Variants in HERC4 observed in about 807,000 individuals in gnomAD.
HERC4 encodes the protein HECT and RLD domain containing E3 ubiquitin protein ligase 4.
A neutral mutation model predicts 124.3 loss-of-function variants in HERC4; 28 were observed. The ratio of observed to expected loss-of-function variants is 0.23; its 90% CI spans 0.17 to 0.31. The LOEUF (loss-of-function observed/expected upper bound fraction) is 0.31, where lower values mean the gene tolerates loss of function less well. Ranked by LOEUF, HERC4 falls within the 10% of genes least tolerant of loss-of-function variation. The pLI is 1.00. For missense variants in HERC4, 713 were observed against 1,229.3 expected (o/e 0.58, Z 6.28); for synonymous variants, 407 against 421.5 (o/e 0.97, Z 0.42).
At chr10:68,073,636 A>C (rs1403266655) in intron 2 of HERC4, 21 bp downstream of exon 2, 1 of 152,714 alleles carries the variant, frequency 6.5e-6, no homozygotes, top group Non-Finnish European at 1.5e-5. Context: ...TCCTAGTATA[A>C]TTAAGCTTTC....
chr10:68,052,890 C>T (rs541618035), intron 3 of HERC4, among the ~76,000 whole-genome samples: 52 of 152,082 alleles, frequency 3.4e-4, no homozygotes, highest in African/African-American at 1.2e-3. Context: ...ACGAAAGCTA[C>T]AAAAAGAGAA....
At chr10:67,939,721 GAT>G (rs111550670) in intron 20 of HERC4, 67 bp from the exon 21 acceptor site, 75,815 of 574,898 alleles carry the variant, frequency 0.13, no homozygotes, top group East Asian at 0.19. Flanking sequence ...TTTACTTATG[GAT>G]ATATATATAT....
chr10:67,937,593 T>C (rs2032477805), intron 21 of HERC4, among the ~76,000 whole-genome samples: 1 of 150,620 alleles, frequency 6.6e-6, no homozygotes, highest in Admixed American at 6.6e-5. Flanking sequence ...TTTGTTTTTG[T>C]TTTTTTTAAT....
chr10:67,987,434 G>C (rs977883807), intron 15 of HERC4, among the ~76,000 whole-genome samples: 1 of 152,168 alleles, frequency 6.6e-6, no homozygotes, highest in Admixed American at 6.5e-5. Context: ...CACCAAAGCA[G>C]TAGGATGAAG....
At chr10:68,043,730 C>T (rs772352568) in intron 4 of HERC4, among the ~76,000 whole-genome samples, 7 of 152,000 alleles carry the variant, frequency 4.6e-5, no homozygotes, top group Non-Finnish European at 8.8e-5. Flanking sequence ...GCAGGTGAAT[C>T]GCTTGAAACC....
At chr10:68,002,002 A>G (rs2037262560) in intron 9 of HERC4, among the ~76,000 whole-genome samples, 1 of 152,094 alleles carries the variant, frequency 6.6e-6, no homozygotes, top group Admixed American at 6.6e-5. Flanking sequence ...ATGTATCACA[A>G]TTTTTTGATG....
intron 23 of HERC4, among the ~76,000 whole-genome samples, chr10:67,929,890 T>A (rs1006321225): frequency 1.3e-5 from 2 of 151,508 alleles, no homozygotes; most frequent in Non-Finnish European, 2.9e-5. Context: ...TCCGGCTCAC[T>A]GCAACCTCTG....
At chr10:67,968,492 C>T (rs2035030543) in intron 15 of HERC4, among the ~76,000 whole-genome samples, 1 of 151,914 alleles carries the variant, frequency 6.6e-6, no homozygotes. Flanking sequence ...CCTGCCACAG[C>T]CTCCTGAGTA....
chr10:67,934,746 T>G (rs144565305), intron 22 of HERC4, among the ~76,000 whole-genome samples: 46 of 152,338 alleles, frequency 3.0e-4, no homozygotes, highest in East Asian at 2.7e-3. Context: ...TTGATTCCAG[T>G]GTCTGATGTT....
At chr10:68,015,859 T>G (rs1202523023) in intron 8 of HERC4, among the ~76,000 whole-genome samples, 1 of 152,114 alleles carries the variant, frequency 6.6e-6, no homozygotes, top group Non-Finnish European at 1.5e-5. Context: ...TTCCAGCACT[T>G]TGGGAGACCG....
chr10:67,948,005 A>G (rs1307726070), intron 19 of HERC4, among the ~76,000 whole-genome samples: 1 of 124,922 alleles, frequency 8.0e-6, no homozygotes, highest in Non-Finnish European at 1.7e-5. Context: ...ATACACTCTT[A>G]AACAACCAAA....
At chr10:67,997,237 C>T (rs2036942255) in intron 9 of HERC4, among the ~76,000 whole-genome samples, 1 of 152,100 alleles carries the variant, frequency 6.6e-6, no homozygotes, top group African/African-American at 2.4e-5. Context: ...TGATAAATAC[C>T]TATAATATAA....
At chr10:68,064,185 G>A (rs1217169045) in intron 3 of HERC4, among the ~76,000 whole-genome samples, 1 of 152,078 alleles carries the variant, frequency 6.6e-6, no homozygotes, top group Non-Finnish European at 1.5e-5. Flanking sequence ...GTTGCCGTGA[G>A]CCGAGATCAT....
intron 9 of HERC4, chr10:67,995,308 T>C (rs1031140777): frequency 4.4e-6 from 2 of 454,760 alleles, no homozygotes; most frequent in Admixed American, 4.7e-5. Flanking sequence ...GGTTGAAAAA[T>C]TAAGTGTTAG....
intron 8 of HERC4, among the ~76,000 whole-genome samples, chr10:68,016,906 C>T (rs1025721331): frequency 6.6e-6 from 1 of 152,060 alleles, no homozygotes; most frequent in Non-Finnish European, 1.5e-5. Context: ...CTAAGAATTA[C>T]AAAACTGGAT....
chr10:67,998,563 A>AG (rs58245126), intron 9 of HERC4, among the ~76,000 whole-genome samples: 9,414 of 130,222 alleles, frequency 0.072, 625 homozygotes, highest in African/African-American at 0.15. Flanking sequence ...AAAAAAAAAA[A>AG]GGGGGGGGGG....
intron 3 of HERC4, among the ~76,000 whole-genome samples, chr10:68,071,315 A>AT (rs979930853): frequency 3.3e-5 from 5 of 152,236 alleles, no homozygotes; most frequent in African/African-American, 1.2e-4. Flanking sequence ...CACTATAATC[A>AT]TTATACTACT....
At chr10:67,931,855 T>TG (rs1408298365) in intron 23 of HERC4, among the ~76,000 whole-genome samples, 10 of 152,340 alleles carry the variant, frequency 6.6e-5, no homozygotes, top group African/African-American at 2.4e-4. Flanking sequence ...CTCAACCACC[T>TG]GGGATCAAGA....
chr10:67,924,508 G>C (rs2030647155), intron 24 of HERC4, among the ~76,000 whole-genome samples: 1 of 152,140 alleles, frequency 6.6e-6, no homozygotes, highest in South Asian at 2.1e-4. Context: ...GTAGGTATTT[G>C]TGTATCTAAA....
Sources: gnomAD v4.1 joint callset for allele counts (sites outside exome capture counted in the v4.1 genomes callset) on GRCh38, gnomAD v4.1.1 for gene constraint, MANE v1.5 for transcripts, NCBI Gene and HGNC (gene_info 2026-07-23, HGNC 2026-07-21) for gene names.